The following FER1L6 variants were observed in gnomAD, a reference collection of about 807,000 sequenced individuals.
FER1L6 encodes the protein fer-1-like protein 6.
FER1L6 carries 177 observed loss-of-function variants against 219.2 expected under a neutral mutation model. That is an observed-to-expected ratio of 0.81 (90% CI 0.71 to 0.91). FER1L6 has a LOEUF of 0.91. Among genes scored for constraint, FER1L6 ranks in the 40% least tolerant of loss-of-function variants. The pLI is 0.00. For missense variants in FER1L6, 2,153 were observed against 2,259.9 expected, an observed-to-expected ratio of 0.95 and a Z score of 0.96; for synonymous variants, 768 against 824.3, an observed-to-expected ratio of 0.93 and a Z score of 1.17.
intron 12 of FER1L6, among the ~76,000 whole-genome samples, chr8:124,000,976 C>A (rs1817383802): frequency 6.6e-6 from 1 of 152,236 alleles, no homozygotes; most frequent in South Asian, 2.1e-4. Context: ...CTGAGAGAGA[C>A]CTGGCAGCTG....
At chr8:123,926,661 G>A (rs1022186929) in intron 1 of FER1L6, among the ~76,000 whole-genome samples, 1 of 152,102 alleles carries the variant, frequency 6.6e-6, no homozygotes, top group Non-Finnish European at 1.5e-5. Context: ...ACTATGAATA[G>A]CCACAACTCA....
At position 123,852,735 on chromosome 8, in the gene FER1L6, C is replaced by T. The variant is rs1816536865; in HGVS notation, c.-8+550C>T. ...ACTCAGTTTTCCCTAATGGTAACAT[C>T]TTATATTACCATGGTACATTTATGA... On this transcript the variant is annotated intron_variant, in intron 1 of 40. Transcript: ENST00000522917. This position sits in a 1 kb window ranked among gnomAD's most constrained non-coding sequence, Gnocchi z 4.9. Among the ~76,000 whole-genome samples, 1 of 152,044 alleles carries T rather than the reference C, an allele frequency of 6.6e-6. No individual in the cohort carries two copies. Among genetic ancestry groups the T allele is most frequent in the Non-Finnish European group, 1.5e-5 (1 of 68,010 alleles).
Position 124,118,865 on chromosome 8 carries a change from C to T in FER1L6, c.5311C>T (p.His1771Tyr). 3.7e-6 allele frequency: 6 copies of T among 1,613,902 alleles called. No homozygotes were observed. Among genetic ancestry groups the T allele is most frequent in the Non-Finnish European group, 5.1e-6 (6 of 1,179,906 alleles). Reference sequence around the variant, plus strand: ...GCAGGGCAAGGTTGAAGCTGAGTTCCACCTAGTTACAGCAGAAGAAGCTGA... The same window carrying T: ...GCAGGGCAAGGTTGAAGCTGAGTTCTACCTAGTTACAGCAGAAGAAGCTGA... ...ELTGKVEAEF[H>Y]LVTAEEAEKN... Residue 1771 changes from histidine to tyrosine, a missense_variant, in exon 40 of 41, where the codon CAC (histidine) becomes TAC (tyrosine). Coordinates refer to ENST00000522917, the MANE Select transcript of FER1L6 (RefSeq NM_001039112.2).
chr8:123,890,155 C>A (rs1323312746), intron 1 of FER1L6, among the ~76,000 whole-genome samples: 3 of 152,098 alleles, frequency 2.0e-5, no homozygotes, highest in Non-Finnish European at 4.4e-5. Context: ...TTGTTCCATA[C>A]TCCATTTACT....
chr8:123,917,848 T>C (rs1006908413), intron 1 of FER1L6, among the ~76,000 whole-genome samples: 5 of 152,368 alleles, frequency 3.3e-5, no homozygotes, highest in African/African-American at 1.2e-4. Flanking sequence ...GTTTTATTAC[T>C]GGGAAAATGA....
intron 1 of FER1L6, among the ~76,000 whole-genome samples, chr8:123,871,037 T>A (rs1032092588): frequency 7.9e-5 from 12 of 152,166 alleles, no homozygotes; most frequent in African/African-American, 2.7e-4. Flanking sequence ...AATACTTAAG[T>A]AAATGAATGG....
chr8:123,922,898 C>T (rs2129850605), intron 1 of FER1L6, among the ~76,000 whole-genome samples: 1 of 152,218 alleles, frequency 6.6e-6, no homozygotes, highest in East Asian at 1.9e-4. Context: ...ATCCAAAGCC[C>T]CACTTTCCTC....
At chr8:124,033,858 G>A (rs1819081939) in intron 18 of FER1L6, among the ~76,000 whole-genome samples, 1 of 152,222 alleles carries the variant, frequency 6.6e-6, no homozygotes, top group African/African-American at 2.4e-5. Flanking sequence ...CATTTGAGTA[G>A]GTGAAGGTAA....
chr8:123,936,889 A>C (rs1477892253), intron 1 of FER1L6, among the ~76,000 whole-genome samples: 2 of 152,184 alleles, frequency 1.3e-5, no homozygotes, highest in African/African-American at 2.4e-5. Flanking sequence ...TCCTCATACA[A>C]GGGTCTTAAC....
In FER1L6 at chr8:124,049,727, G is replaced by T. The variant is rs199958625; in HGVS notation, c.2845G>T (p.Asp949Tyr). 13 of 1,614,032 alleles carry T rather than the reference G, an allele frequency of 8.1e-6. No homozygotes were observed. The highest frequency in any genetic ancestry group is 1.7e-5 in the Admixed American group (1 of 60,008). ...PIFCGNLSGG[D>Y]LLAVFELLQV... is the part of the protein sequence containing the mutation. Reference sequence around the variant, plus strand: ...CTTTTGTGGGAATCTCTCTGGAGGGGATCTCCTTGCTGTATTTGAACTGCT... The same window carrying T: ...CTTTTGTGGGAATCTCTCTGGAGGGTATCTCCTTGCTGTATTTGAACTGCT... The change falls in exon 22 of 41, where the codon GAT becomes TAT. Residue 949 changes from aspartate (D) to tyrosine (Y), a missense_variant. By Grantham distance (160) the Asp-to-Tyr change is radical. Coordinates refer to ENST00000522917, the MANE Select transcript of FER1L6 (RefSeq NM_001039112.2).
chr8:123,891,739 T>A (rs1020208480), intron 1 of FER1L6, among the ~76,000 whole-genome samples: 11 of 152,124 alleles, frequency 7.2e-5, no homozygotes, highest in Non-Finnish European at 1.3e-4. Context: ...CACTTCTAGA[T>A]CTTGAGCATT....
At chr8:123,962,171 G>A (rs1815319547) in intron 2 of FER1L6, among the ~76,000 whole-genome samples, 1 of 152,170 alleles carries the variant, frequency 6.6e-6, no homozygotes, top group Admixed American at 6.5e-5. Flanking sequence ...TTACAGGCAT[G>A]AACCACTGTG....
intron 24 of FER1L6, among the ~76,000 whole-genome samples, chr8:124,060,964 C>T (rs541233703): frequency 2.0e-5 from 3 of 152,178 alleles, no homozygotes; most frequent in Non-Finnish European, 4.4e-5. Context: ...GTCCCCAATT[C>T]ATCAGCATCA....
intron 1 of FER1L6, among the ~76,000 whole-genome samples, chr8:123,952,967 T>C (rs1814837515): frequency 6.6e-6 from 1 of 152,144 alleles, no homozygotes; most frequent in South Asian, 2.1e-4. Context: ...TGGGAAGAAA[T>C]ATGCATCTGA....
chr8:124,054,025 T>G (rs1238772109), intron 22 of FER1L6, among the ~76,000 whole-genome samples: 1 of 152,214 alleles, frequency 6.6e-6, no homozygotes, highest in Non-Finnish European at 1.5e-5. Flanking sequence ...CAGTAAGCCT[T>G]AATTCTTTAC....
chr8:124,008,781 GA>G (rs543686745), intron 13 of FER1L6, among the ~76,000 whole-genome samples: 18 of 150,728 alleles, frequency 1.2e-4, no homozygotes, highest in Admixed American at 9.9e-4. Flanking sequence ...AAATTAGCAA[GA>G]AAAAAAACTC....
chr8:124,119,796 C>G lies in FER1L6; in HGVS notation c.*6C>G. 1 of 1,613,130 alleles carries G rather than the reference C, an allele frequency of 6.2e-7. No homozygotes were observed. The highest frequency in any genetic ancestry group is 1.1e-5 in the South Asian group (1 of 90,908). On this transcript the variant is annotated 3_prime_UTR_variant, in exon 41 of 41. Coordinates refer to ENST00000522917, the MANE Select transcript of FER1L6 (RefSeq NM_001039112.2). ...GGATCGTTGTGGGCTCATAGAGGAT[C>G]ATGGAGGACCCAGATCCTCGCCATA...
At chr8:123,901,468 C>G (rs548642534) in intron 1 of FER1L6, among the ~76,000 whole-genome samples, 6 of 152,102 alleles carry the variant, frequency 3.9e-5, no homozygotes, top group African/African-American at 1.4e-4. Context: ...TTTCATTTAT[C>G]TTTTTTTGTT....
chr8:124,042,040 C>G (rs1819523398), intron 20 of FER1L6, among the ~76,000 whole-genome samples: 1 of 152,150 alleles, frequency 6.6e-6, no homozygotes, highest in Non-Finnish European at 1.5e-5. Flanking sequence ...GGCTTCCTTC[C>G]TACAGCAAGG....
Sources: gnomAD v4.1 joint callset for allele counts (sites outside exome capture counted in the v4.1 genomes callset) on GRCh38, gnomAD v4.1.1 for gene constraint, Gnocchi (gnomAD v3.1) non-coding constraint, MANE v1.5 for transcripts, NCBI Gene and HGNC (gene_info 2026-07-23, HGNC 2026-07-21) for gene names.